Variants in NF1 observed in about 807,000 individuals in gnomAD.
NF1 encodes the protein neurofibromin 1.
A neutral mutation model predicts 325.7 loss-of-function variants in NF1; 122 were observed. That is an observed-to-expected ratio of 0.37 (90% CI 0.32 to 0.44). NF1 has a LOEUF of 0.44. Among genes scored for constraint, NF1 ranks in the 20% least tolerant of loss-of-function variants. The pLI is 1.00. For missense variants in NF1, 2,140 were observed against 3,415.4 expected, an observed-to-expected ratio of 0.63 and a Z score of 9.31; for synonymous variants, 1,091 against 1,186.0, an observed-to-expected ratio of 0.92 and a Z score of 1.65.
At chr17:31,294,078 A>T (rs1022052643) in intron 36 of NF1, among the ~76,000 whole-genome samples, 11 of 152,124 alleles carry the variant, frequency 7.2e-5, no homozygotes, top group Admixed American at 5.2e-4. Flanking sequence ...AGTACTGCCC[A>T]AGTTCGTCAG....
chr17:31,350,083 C>T, intron 49 of NF1, 100 bp from the exon 50 acceptor site: 1 of 1,217,140 alleles, frequency 8.2e-7, no homozygotes, highest in Non-Finnish European at 1.2e-6. Flanking sequence ...GCACATTTAA[C>T]AGGTACTATG....
At chr17:31,141,686 C>T (rs1271803264) in intron 1 of NF1, among the ~76,000 whole-genome samples, 2 of 152,168 alleles carry the variant, frequency 1.3e-5, no homozygotes, top group Non-Finnish European at 2.9e-5. Flanking sequence ...TTCTATGGGT[C>T]AGGAAGATAG....
chr17:31,271,825 CT>C (rs373002654), intron 36 of NF1, among the ~76,000 whole-genome samples: 40 of 152,036 alleles, frequency 2.6e-4, no homozygotes, highest in East Asian at 2.3e-3. Flanking sequence ...CCTCTATCCC[CT>C]ATCCCCTATC....
Position 31,375,935 on chromosome 17 carries a change from C to T in NF1, c.*1780C>T. The T allele has an allele frequency of 4.3e-6, 1 of 232,790 alleles. No individual in the cohort carries two copies. The highest frequency in any genetic ancestry group is 8.5e-6 in the Non-Finnish European group (1 of 117,578). 14.4% of individuals were successfully genotyped at this position (232,790 alleles called of 1,614,324 possible). On this transcript the variant is annotated 3_prime_UTR_variant, in exon 58 of 58. Coordinates refer to ENST00000358273, the MANE Select transcript of NF1 (RefSeq NM_001042492.3). ...AACCTTAGTATTATTAATGAGTTTA[C>T]CATAGAATTGTTGGAAATACTGAAG... is the stretch of plus-strand genomic sequence containing the variant.
intron 4 of NF1, among the ~76,000 whole-genome samples, chr17:31,165,237 A>G (rs1431669781): frequency 6.6e-6 from 1 of 152,222 alleles, no homozygotes; most frequent in Non-Finnish European, 1.5e-5. Flanking sequence ...ACTTTTGTTT[A>G]TTTCCTGAAT....
chr17:31,273,332 C>T (rs1416533173), intron 36 of NF1, among the ~76,000 whole-genome samples: 1 of 152,094 alleles, frequency 6.6e-6, no homozygotes, highest in Non-Finnish European at 1.5e-5. Flanking sequence ...ACAACAACAA[C>T]AATAACAAAC....
intron 40 of NF1, 89 bp downstream of exon 40, chr17:31,335,120 C>A: frequency 9.1e-7 from 1 of 1,100,818 alleles, no homozygotes; most frequent in Non-Finnish European, 1.4e-6. Context: ...GCGCTAGACA[C>A]TAGGGATAGA....
At chr17:31,209,311 A>G (rs938543978) in intron 12 of NF1, among the ~76,000 whole-genome samples, 5 of 152,260 alleles carry the variant, frequency 3.3e-5, no homozygotes, top group Non-Finnish European at 5.9e-5. Flanking sequence ...CTTCAGAAGT[A>G]GCAATCTAGG....
intron 36 of NF1, among the ~76,000 whole-genome samples, chr17:31,289,310 G>A (rs922546204): frequency 5.3e-5 from 8 of 152,186 alleles, no homozygotes; most frequent in Middle Eastern, 3.2e-3. Flanking sequence ...CCCTGATCAT[G>A]CAGTAAACCA....
At chr17:31,322,960 T>C (rs2069249328) in intron 36 of NF1, among the ~76,000 whole-genome samples, 1 of 152,226 alleles carries the variant, frequency 6.6e-6, no homozygotes, top group Non-Finnish European at 1.5e-5. Flanking sequence ...CCTGAATCCT[T>C]CTTATATCTT....
intron 8 of NF1, among the ~76,000 whole-genome samples, chr17:31,190,367 A>G (rs1320003340): frequency 6.6e-6 from 1 of 152,136 alleles, no homozygotes; most frequent in Non-Finnish European, 1.5e-5. Context: ...AGTCACATCT[A>G]TTTACCCATA....
At chr17:31,302,416 A>AT (rs1351323306) in intron 36 of NF1, among the ~76,000 whole-genome samples, 1 of 152,220 alleles carries the variant, frequency 6.6e-6, no homozygotes, top group Non-Finnish European at 1.5e-5. Flanking sequence ...AGTTATGATG[A>AT]TTTAAGGCAT....
chr17:31,149,813 G>C (rs1916808593), intron 1 of NF1, among the ~76,000 whole-genome samples: 1 of 152,152 alleles, frequency 6.6e-6, no homozygotes, highest in Non-Finnish European at 1.5e-5. Flanking sequence ...GCTTGAGGAG[G>C]GCACTGTGGG....
At chr17:31,305,730 G>C (rs2068702411) in intron 36 of NF1, 1 of 972,126 alleles carries the variant, frequency 1.0e-6, no homozygotes, top group Non-Finnish European at 1.5e-6. Flanking sequence ...AAAGTAGGTA[G>C]ACATTATTCC....
At chr17:31,264,066 C>T (rs1413869569) in intron 35 of NF1, among the ~76,000 whole-genome samples, 1 of 151,946 alleles carries the variant, frequency 6.6e-6, no homozygotes, top group Non-Finnish European at 1.5e-5. Context: ...AGACATAAGG[C>T]TCATAGAAAT....
intron 1 of NF1, among the ~76,000 whole-genome samples, chr17:31,117,136 C>T (rs1415423677): frequency 2.0e-5 from 3 of 151,882 alleles, no homozygotes; most frequent in African/African-American, 2.4e-5. Flanking sequence ...CGTGCCGCCA[C>T]GCCTGGCTAA....
At chr17:31,320,106 C>T (rs2069141578) in intron 36 of NF1, among the ~76,000 whole-genome samples, 1 of 151,990 alleles carries the variant, frequency 6.6e-6, no homozygotes, top group Non-Finnish European at 1.5e-5. Flanking sequence ...TTAACAGTTC[C>T]ATGTACTGCT....
rs1555614521 is a variant in NF1, at chr17:31,230,327, GA to G, written c.3060del (p.Val1021Ter). On this transcript the variant is annotated frameshift_variant, in exon 23 of 58. Transcript: ENST00000358273. LOFTEE classifies it high-confidence loss of function. ...AAAAACGAAACTGTGTCAATTAGTT[GA>G]AGTAATGATGGCAAGGAGAGATGAC... ...QIKTKLCQLV[E>X]VMMARRDDLS... is the part of the protein sequence containing the mutation. The G allele has an allele frequency of 6.2e-7, 1 of 1,613,500 alleles. No homozygotes were observed. The highest frequency in any genetic ancestry group is 8.5e-7 in the Non-Finnish European group (1 of 1,179,608).
intron 29 of NF1, among the ~76,000 whole-genome samples, chr17:31,240,161 A>G (rs2067270752): frequency 6.6e-6 from 1 of 152,194 alleles, no homozygotes; most frequent in African/African-American, 2.4e-5. Context: ...TTGTGCTATC[A>G]GATAACCAGA....
Sources: gnomAD v4.1 joint callset for allele counts (sites outside exome capture counted in the v4.1 genomes callset) on GRCh38, gnomAD v4.1.1 for gene constraint, MANE v1.5 for transcripts, NCBI Gene and HGNC (gene_info 2026-07-23, HGNC 2026-07-21) for gene names.